The following ASIC2 variants were observed in gnomAD, a reference collection of about 807,000 sequenced individuals.
ASIC2 encodes the protein acid sensing ion channel subunit 2, also known as acid-sensing ion channel 2.
In ASIC2, 25 loss-of-function variants were observed where a neutral mutation model predicts 57.3. The observed-to-expected ratio is 0.44, with a 90% CI of 0.32 to 0.61. ASIC2 has a LOEUF of 0.61. Ranked by LOEUF, ASIC2 falls within the 20% of genes least tolerant of loss-of-function variation. ASIC2 has a pLI of 0.06. For missense variants in ASIC2, 641 were observed against 738.1 expected (o/e 0.87, Z 1.52); for synonymous variants, 319 against 307.5 (o/e 1.04, Z -0.39).
chr17:33,511,975 C>T (rs1305158939), intron 1 of ASIC2, among the ~76,000 whole-genome samples: 1 of 152,198 alleles, frequency 6.6e-6, no homozygotes, highest in Non-Finnish European at 1.5e-5. Context: ...ATACCCTCAC[C>T]TAGGGCTGCC....
chr17:34,017,520 G>T (rs1907016107), intron 1 of ASIC2, among the ~76,000 whole-genome samples: 1 of 152,216 alleles, frequency 6.6e-6, no homozygotes, highest in South Asian at 2.1e-4. Context: ...GCTTAGTGAG[G>T]AAGGCATGCT....
chr17:33,107,534 C>A (rs79766507), intron 2 of ASIC2, among the ~76,000 whole-genome samples: 1 of 152,156 alleles, frequency 6.6e-6, no homozygotes, highest in Admixed American at 6.5e-5. Context: ...TGCAACTGAA[C>A]CTCTTCCTTT....
chr17:33,407,164 T>A (rs1452005914), intron 1 of ASIC2, among the ~76,000 whole-genome samples: 1 of 152,232 alleles, frequency 6.6e-6, no homozygotes, highest in Non-Finnish European at 1.5e-5. Flanking sequence ...AGCTGACATT[T>A]ATTGGGCATT....
chr17:34,051,980 T>C lies in ASIC2; in HGVS notation c.555+103998A>G, dbSNP rs1470554966. On this transcript the variant is annotated intron_variant, in intron 1 of 9. Transcript: ENST00000359872. ...CCTAAAATGGTTTGGCTCCTGGTTATGTGAATATATTTTGCTTAGCACTAA... is the reference window on the plus strand; with the variant it reads ...CCTAAAATGGTTTGGCTCCTGGTTACGTGAATATATTTTGCTTAGCACTAA... Among the ~76,000 whole-genome samples, 9 of 152,304 alleles carry C rather than the reference T, an allele frequency of 5.9e-5. No homozygotes were observed. In the South Asian group the frequency reaches 1.7e-3, roughly 28 times the overall value.
At chr17:33,099,392 G>A (rs1371258041) in intron 2 of ASIC2, among the ~76,000 whole-genome samples, 1 of 152,154 alleles carries the variant, frequency 6.6e-6, no homozygotes, top group Non-Finnish European at 1.5e-5. Context: ...AGTGTATGAG[G>A]ATCAGTGGCT....
chr17:33,352,400 C>T (rs147406674), intron 1 of ASIC2, among the ~76,000 whole-genome samples: 8 of 152,270 alleles, frequency 5.3e-5, no homozygotes, highest in African/African-American at 1.4e-4. Flanking sequence ...GGCTGCCACC[C>T]CCTACATGGG....
chr17:33,993,270 G>C (rs936292470), intron 1 of ASIC2, among the ~76,000 whole-genome samples: 18 of 152,172 alleles, frequency 1.2e-4, no homozygotes, highest in African/African-American at 4.3e-4. Context: ...CTCCTCCCCA[G>C]TTGGTATGGT....
At chr17:33,367,338 G>C (rs1298963125) in intron 1 of ASIC2, among the ~76,000 whole-genome samples, 1 of 152,234 alleles carries the variant, frequency 6.6e-6, no homozygotes, top group Non-Finnish European at 1.5e-5. Context: ...CTCTGGTGTA[G>C]GGAAGACAAT....
intron 1 of ASIC2, among the ~76,000 whole-genome samples, chr17:33,404,906 T>C (rs1910414124): frequency 1.3e-5 from 2 of 152,176 alleles, no homozygotes; most frequent in Admixed American, 6.5e-5. Flanking sequence ...AAGTACCCTA[T>C]AGAATTTAGT....
chr17:33,397,640 G>A (rs572049617), intron 1 of ASIC2, among the ~76,000 whole-genome samples: 2 of 152,272 alleles, frequency 1.3e-5, no homozygotes, highest in East Asian at 3.9e-4. Flanking sequence ...AACTGTCCCT[G>A]GGGATCTGGG....
chr17:33,380,245 C>CAAAAAAAAAAAAAAAAAAAAAAAAA (rs10586872), intron 1 of ASIC2, among the ~76,000 whole-genome samples: 1 of 71,064 alleles, frequency 1.4e-5, no homozygotes, highest in Non-Finnish European at 2.6e-5. Context: ...AACCCTGTCT[C>CAAAAAAAAAAAAAAAAAAAAAAAAA]AAAAAAAAAA....
intron 3 of ASIC2, among the ~76,000 whole-genome samples, chr17:33,085,535 G>A (rs1001811246): frequency 5.9e-5 from 9 of 152,154 alleles, no homozygotes; most frequent in Admixed American, 3.3e-4. Context: ...CATTATTTTT[G>A]CCTTTGTTAA....
intron 1 of ASIC2, among the ~76,000 whole-genome samples, chr17:33,768,139 G>T (rs1210140488): frequency 6.6e-6 from 1 of 152,036 alleles, no homozygotes; most frequent in Non-Finnish European, 1.5e-5. Flanking sequence ...CTCCCCAGCA[G>T]CTGGGACTAC....
chr17:33,604,257 G>A (rs1283641376), intron 1 of ASIC2, among the ~76,000 whole-genome samples: 2 of 152,204 alleles, frequency 1.3e-5, no homozygotes, highest in Non-Finnish European at 2.9e-5. Flanking sequence ...AAAATCTTTG[G>A]TTGTTTGTAT....
intron 1 of ASIC2, among the ~76,000 whole-genome samples, chr17:33,575,291 G>A (rs566615321): frequency 1.3e-5 from 2 of 152,280 alleles, no homozygotes; most frequent in East Asian, 1.9e-4. Context: ...AGCATTCGAC[G>A]ATTCATGTAA....
chr17:33,406,603 G>C (rs1406403737), intron 1 of ASIC2, among the ~76,000 whole-genome samples: 1 of 152,194 alleles, frequency 6.6e-6, no homozygotes, highest in Non-Finnish European at 1.5e-5. Context: ...AATAACACCA[G>C]TAGCCTCCTC....
At chr17:33,271,735 T>C (rs1383406026) in intron 1 of ASIC2, among the ~76,000 whole-genome samples, 1 of 152,252 alleles carries the variant, frequency 6.6e-6, no homozygotes, top group Non-Finnish European at 1.5e-5. Flanking sequence ...ATCTGCTTCC[T>C]AACTTGTCAT....
At chr17:33,490,272 G>C (rs1263628613) in intron 1 of ASIC2, among the ~76,000 whole-genome samples, 1 of 152,232 alleles carries the variant, frequency 6.6e-6, no homozygotes, top group Non-Finnish European at 1.5e-5. Flanking sequence ...TTGATTTAGA[G>C]CATTGGAAAA....
At chr17:33,882,555 A>C (rs1914729340) in intron 1 of ASIC2, among the ~76,000 whole-genome samples, 1 of 152,248 alleles carries the variant, frequency 6.6e-6, no homozygotes, top group Admixed American at 6.5e-5. Context: ...TCAAAACCCC[A>C]ATGAGATACC....
Sources: gnomAD v4.1 joint callset for allele counts (sites outside exome capture counted in the v4.1 genomes callset) on GRCh38, gnomAD v4.1.1 for gene constraint, MANE v1.5 for transcripts, NCBI Gene and HGNC (gene_info 2026-07-23, HGNC 2026-07-21) for gene names.